Variants in KLF10 observed in about 807,000 individuals in gnomAD.
KLF10 encodes the protein KLF transcription factor 10, also known as Krueppel-like factor 10.
KLF10 carries 17 observed loss-of-function variants against 31.6 expected under a neutral mutation model. That is an observed-to-expected ratio of 0.54 (90% CI 0.37 to 0.81). The LOEUF (loss-of-function observed/expected upper bound fraction) is 0.81. Ranked by LOEUF, KLF10 falls within the 30% of genes least tolerant of loss-of-function variation. The probability of loss-of-function intolerance (pLI) is 0.00; values close to 1 mark genes in which losing one functional copy is unlikely to be tolerated. For synonymous variants in KLF10, 239 were observed against 215.1 expected, an observed-to-expected ratio of 1.11 and a Z score of -0.97; for missense variants, 525 against 598.1, an observed-to-expected ratio of 0.88 and a Z score of 1.27.
intron 1 of KLF10, chr8:102,654,360 C>G (rs1213332633): frequency 6.7e-6 from 1 of 150,150 alleles, no homozygotes; most frequent in Non-Finnish European, 1.5e-5. Context: ...CGCGAGCCGC[C>G]GTTCCCTTAG....
In KLF10 at chr8:102,648,993, AC is replaced by A. The variant is rs1434939426; in HGVS notation, c.*1138del. ...TTTCACTATATATTTTAAGCAATGT[AC>A]TTTTGTTTTGCCACTGTGTATATCA... On this transcript the variant is annotated 3_prime_UTR_variant, in exon 4 of 4. Coordinates refer to ENST00000285407, the MANE Select transcript of KLF10 (RefSeq NM_005655.4). The A allele has an allele frequency of 2.0e-5, 3 of 152,636 alleles. No individual in the cohort carries two copies. In the East Asian group the frequency reaches 5.8e-4, roughly 29 times the overall value. The allele number at this position is 152,636 out of a possible 1,614,324, so 9.5% of individuals were successfully genotyped here.
At position 102,652,145 on chromosome 8, in the gene KLF10, T is replaced by C. The variant is rs777660098; in HGVS notation, c.270+19A>G. On this transcript the variant is annotated intron_variant, in intron 2 of 3. Coordinates refer to ENST00000285407, the MANE Select transcript of KLF10 (RefSeq NM_005655.4). ...GAAATTATATAATTTACGTCTATCTTAAAAACAATAATACTTACAAATGCT... is the reference window on the plus strand; with the variant it reads ...GAAATTATATAATTTACGTCTATCTCAAAAACAATAATACTTACAAATGCT... 6 of 1,522,882 alleles carry C rather than the reference T, an allele frequency of 3.9e-6. No homozygotes were observed. In the South Asian group the frequency reaches 5.2e-5, roughly 13 times the overall value. 94.3% of individuals were successfully genotyped at this position (1,522,882 alleles called of 1,614,324 possible). A position where few individuals can be genotyped will look rare whatever the true frequency, so the allele number is the denominator to read the frequency against.
intron 3 of KLF10, among the ~76,000 whole-genome samples, chr8:102,650,679 G>A (rs1257316423): frequency 6.6e-6 from 1 of 152,128 alleles, no homozygotes; most frequent in African/African-American, 2.4e-5. Flanking sequence ...CCAGAAGTTT[G>A]AGACCAGTTT....
chr8:102,654,587 G>A (rs995090359), intron 1 of KLF10, among the ~76,000 whole-genome samples: 1 of 151,374 alleles, frequency 6.6e-6, no homozygotes, highest in Non-Finnish European at 1.5e-5. Context: ...GGCACTTCCC[G>A]CCCACGCGGC....
Position 102,651,154 on chromosome 8 carries a change from TG to T in KLF10, c.1177del (p.His393ThrfsTer47). On this transcript the variant is annotated frameshift_variant, in exon 3 of 4. Coordinates refer to ENST00000285407, the MANE Select transcript of KLF10 (RefSeq NM_005655.4). LOFTEE classifies it high-confidence loss of function. ...ATATAAGAAGTGGCTGGTACCTGTG[TG>T]CGTCCTCGTGTGGGCCTTCAGATGG... ...SSHLKAHTRT[H>X]TGEKPFSCSW... The T allele has an allele frequency of 4.0e-6, 6 of 1,506,212 alleles. No homozygotes were observed. In the Admixed American group the frequency reaches 7.0e-5, roughly 18 times the overall value. 93.3% of individuals were successfully genotyped at this position (1,506,212 alleles called of 1,614,324 possible).
chr8:102,655,724 G>GC lies in KLF10; in HGVS notation c.-124dup, dbSNP rs1827354551. The GC allele has an allele frequency of 1.7e-6, 2 of 1,149,462 alleles. No homozygotes were observed. The highest frequency in any genetic ancestry group is 1.5e-5 in the African/African-American group (1 of 65,228). The allele number at this position is 1,149,462 out of a possible 1,614,324, so 71.2% of individuals were successfully genotyped here. ...GCCGCCGCCGCGCTCAGCGCCGTCT[G>GC]CCCCCTCCCCATTCAGGTAGCCGCT... On this transcript the variant is annotated 5_prime_UTR_variant, in exon 1 of 4. Transcript: ENST00000285407.
chr8:102,655,542 C>G (rs1353512352), intron 1 of KLF10, 24 bp downstream of exon 1: 1 of 1,614,008 alleles, frequency 6.2e-7, no homozygotes, highest in African/African-American at 1.3e-5. Context: ...CGAGGAAGCA[C>G]AGGGGCATCC....
In KLF10 at chr8:102,652,100, G is replaced by A. The variant is rs1474231977; in HGVS notation, c.271-39C>T. 3.3e-6 allele frequency: 5 copies of A among 1,497,118 alleles called. No homozygotes were observed. In the South Asian group the frequency reaches 4.1e-5, roughly 12 times the overall value. 92.7% of individuals were successfully genotyped at this position (1,497,118 alleles called of 1,614,324 possible). A position where few individuals can be genotyped will look rare whatever the true frequency, so the allele number is the denominator to read the frequency against. ...AAATACATAGCATGAGAAATCTACA[G>A]TTTATTATATAAATTTTAAGAAATT... On this transcript the variant is annotated intron_variant, in intron 2 of 3. Transcript: ENST00000285407.
At position 102,649,026 on chromosome 8, in the gene KLF10, AT is replaced by A. The variant is rs1296643976; in HGVS notation, c.*1105del. On this transcript the variant is annotated 3_prime_UTR_variant, in exon 4 of 4. Coordinates refer to ENST00000285407, the MANE Select transcript of KLF10 (RefSeq NM_005655.4). The stretch of plus-strand genomic sequence containing the variant: ...TTTGCCACTGTGTATATCATCCACT[AT>A]ATAACAGAATAAAAGAGAAATACTG... 1 of 152,678 alleles carries A rather than the reference AT, an allele frequency of 6.5e-6. No homozygotes were observed. Among genetic ancestry groups the A allele is most frequent in the Non-Finnish European group, 1.5e-5 (1 of 68,036 alleles). The allele number at this position is 152,678 out of a possible 1,614,324, so 9.5% of individuals were successfully genotyped here.
chr8:102,653,542 C>T (rs1307818852), intron 1 of KLF10: 1 of 1,489,024 alleles, frequency 6.7e-7, no homozygotes, highest in Non-Finnish European at 8.9e-7. Context: ...TGTAAAAATA[C>T]CAAAAAACAT....
chr8:102,654,540 T>C (rs1021969793), intron 1 of KLF10, among the ~76,000 whole-genome samples: 4 of 150,108 alleles, frequency 2.7e-5, no homozygotes, highest in Non-Finnish European at 4.4e-5. Flanking sequence ...GCCGCCCTCC[T>C]CCCGCCGGCA....
chr8:102,653,715 G>C (rs1469143429), intron 1 of KLF10: 3 of 1,211,668 alleles, frequency 2.5e-6, no homozygotes, highest in South Asian at 3.1e-5. Context: ...GACAGCGCGC[G>C]TGTGTGTAAC....
intron 1 of KLF10, among the ~76,000 whole-genome samples, chr8:102,653,040 C>G (rs1012275296): frequency 1.3e-5 from 2 of 152,104 alleles, no homozygotes; most frequent in Admixed American, 6.5e-5. Flanking sequence ...AAGGGATCCT[C>G]AGGGTATCTT....
In KLF10 at chr8:102,653,703, T is replaced by C. The variant is rs1263025802; in HGVS notation, c.37-1306A>G. Reference sequence around the variant, plus strand: ...GCGCCCGCCTTTATGTAAGCTGCAATGGACAGCGCGCGTGTGTGTAACAGC... The same window carrying C: ...GCGCCCGCCTTTATGTAAGCTGCAACGGACAGCGCGCGTGTGTGTAACAGC... On this transcript the variant is annotated intron_variant, in intron 1 of 3. Transcript: ENST00000285407. 10 of 1,238,766 alleles carry C rather than the reference T, an allele frequency of 8.1e-6. No individual in the cohort carries two copies. The East Asian group carries it at 2.7e-4, about 34-fold the overall frequency. 76.7% of individuals were successfully genotyped at this position (1,238,766 alleles called of 1,614,324 possible).
chr8:102,655,206 T>C (rs1003845029), intron 1 of KLF10, among the ~76,000 whole-genome samples: 5 of 151,892 alleles, frequency 3.3e-5, no homozygotes, highest in African/African-American at 7.3e-5. Flanking sequence ...CGTTCCACAC[T>C]GTACCCCAAC....
chr8:102,651,456 G>C lies in KLF10; in HGVS notation c.876C>G (p.Ser292Arg), dbSNP rs1288929825. The part of the protein sequence containing the change: ...NNPVVTTVVP[S>R]TPPSQPPAVC... Reference sequence around the variant, plus strand: ...CGGCTGGTGGCTGGCTGGGAGGAGTGCTGGGAACGACTGTTGTCACAACAG... The same window carrying C: ...CGGCTGGTGGCTGGCTGGGAGGAGTCCTGGGAACGACTGTTGTCACAACAG... The change falls in exon 3 of 4, where the codon AGC (serine) becomes AGG (arginine). Residue 292 changes from serine to arginine, a missense_variant. Coordinates refer to ENST00000285407, the MANE Select transcript of KLF10 (RefSeq NM_005655.4). The C allele has an allele frequency of 6.2e-7, 1 of 1,614,022 alleles. No homozygotes were observed. Among genetic ancestry groups the C allele is most frequent in the Non-Finnish European group, 8.5e-7 (1 of 1,179,944 alleles).
Position 102,651,188 on chromosome 8 carries a change from T to C in KLF10, c.1144A>G (p.Lys382Glu). ...GTGTGGGCCTTCAGATGGGAACTTT[T>C]AAAGTATGTCTTGCCACATCCTGGG... ...SHPGCGKTYF[K>E]SSHLKAHTRT... is the part of the protein sequence containing the mutation. Residue 382 changes from lysine to glutamate, a missense_variant, in exon 3 of 4, where the codon AAA (lysine) becomes GAA (glutamate). Around this residue, in one of 3 missense-constraint regions of KLF10, gnomAD observed 49 missense variants for 105.0 expected, o/e 0.47. Transcript: ENST00000285407. 6.6e-7 allele frequency: 1 copy of C among 1,517,348 alleles called. No individual in the cohort carries two copies. The highest frequency in any genetic ancestry group is 8.8e-7 in the Non-Finnish European group (1 of 1,131,806). 94.0% of individuals were successfully genotyped at this position (1,517,348 alleles called of 1,614,324 possible).
chr8:102,651,639 A>G lies in KLF10; in HGVS notation c.693T>C (p.Phe231=). 6.2e-7 allele frequency: 1 copy of G among 1,614,232 alleles called. No individual in the cohort carries two copies. The highest frequency in any genetic ancestry group is 8.5e-7 in the Non-Finnish European group (1 of 1,180,038). ...DEKASAALYD[F]SVPSSETVIC... Reference sequence around the variant, plus strand: ...TGACCGTCTCTGAGGAAGGCACAGAAAAGTCATAAAGTGCAGCACTTGCTT... The same window carrying G: ...TGACCGTCTCTGAGGAAGGCACAGAGAAGTCATAAAGTGCAGCACTTGCTT... The change falls in exon 3 of 4, where the codon TTT becomes TTC. Residue 231 remains phenylalanine, a synonymous_variant. Transcript: ENST00000285407.
At chr8:102,653,478 C>T in intron 1 of KLF10, 1 of 1,548,928 alleles carries the variant, frequency 6.5e-7, no homozygotes, top group Non-Finnish European at 8.7e-7. Context: ...ACCATTTCTC[C>T]TATTTTCCAT....
Sources: allele counts gnomAD v4.1 joint callset (sites outside exome capture counted in the v4.1 genomes callset), GRCh38; gene constraint gnomAD v4.1.1; regional missense constraint gnomAD v4.1.1; transcripts MANE v1.5; gene names NCBI Gene and HGNC (gene_info 2026-07-23, HGNC 2026-07-21).